The following ACSM5 variants were observed in gnomAD, a reference collection of about 807,000 sequenced individuals.
ACSM5 encodes acyl-CoA synthetase medium chain family member 5.
A neutral mutation model predicts 71.6 loss-of-function variants in ACSM5; 56 were observed. That is an observed-to-expected ratio of 0.78 (90% CI 0.63 to 0.98). The LOEUF (loss-of-function observed/expected upper bound fraction) is 0.98. Ranked by LOEUF, ACSM5 falls within the 50% of genes least tolerant of loss-of-function variation. The pLI is 0.00. For synonymous variants in ACSM5, 285 were observed against 281.5 expected (o/e 1.01, Z -0.12); for missense variants, 723 against 726.0 (o/e 1.00, Z 0.05).
At chr16:20,412,408 A>T (rs1424799492) in intron 2 of ACSM5, among the ~76,000 whole-genome samples, 3 of 152,220 alleles carry the variant, frequency 2.0e-5, no homozygotes, top group African/African-American at 7.2e-5. Flanking sequence ...AATAGGGCTC[A>T]GGCTCAAAGC....
intron 13 of ACSM5, 161 bp from the exon 14 acceptor site, chr16:20,440,183 T>C: frequency 6.0e-6 from 4 of 665,418 alleles, no homozygotes; most frequent in South Asian, 3.8e-5. Context: ...AATGATCCTG[T>C]GCTCCAGGCT....
At chr16:20,425,332 C>CT in intron 6 of ACSM5, among the ~76,000 whole-genome samples, 1 of 152,178 alleles carries the variant, frequency 6.6e-6, no homozygotes, top group South Asian at 2.1e-4. Context: ...GGACCTCATT[C>CT]TTTTTTATGG....
rs764557938 is a variant in ACSM5 at position 20,437,375 on chromosome 16, G to C, written c.1536+8G>C. On this transcript the variant is annotated splice_region_variant and intron_variant, in intron 12 of 13. Coordinates refer to ENST00000331849, the MANE Select transcript of ACSM5 (RefSeq NM_017888.3). ...GACCCCATCAGGGGAGAGGTAACCAGTGCACCCAAGAACATGGCCTCCTGC... is the reference window on the plus strand; with the variant it reads ...GACCCCATCAGGGGAGAGGTAACCACTGCACCCAAGAACATGGCCTCCTGC... 6.3e-7 allele frequency: 1 copy of C among 1,596,236 alleles called. No homozygotes were observed. The highest frequency in any genetic ancestry group is 1.7e-4 in the Middle Eastern group (1 of 5,828).
chr16:20,417,941 T>C, intron 2 of ACSM5, 118 bp from the exon 3 acceptor site: 5 of 1,007,814 alleles, frequency 5.0e-6, no homozygotes, highest in Non-Finnish European at 5.7e-6. Flanking sequence ...TCCATATTGC[T>C]TTGCTTTTTG....
At chr16:20,430,630 T>G (rs541200118) in intron 8 of ACSM5, among the ~76,000 whole-genome samples, 1 of 133,716 alleles carries the variant, frequency 7.5e-6, no homozygotes, top group East Asian at 2.2e-4. Context: ...AAAAGATGAA[T>G]GGAAGGAAGG....
intron 5 of ACSM5, among the ~76,000 whole-genome samples, chr16:20,421,682 T>C (rs558729939): frequency 9.9e-5 from 14 of 140,716 alleles, no homozygotes; most frequent in African/African-American, 3.9e-4. Context: ...TATACATACA[T>C]ACACATATAA....
At chr16:20,415,662 A>T (rs544090137) in intron 2 of ACSM5, among the ~76,000 whole-genome samples, 2 of 152,312 alleles carry the variant, frequency 1.3e-5, no homozygotes, top group South Asian at 4.1e-4. Context: ...AAAAGAAGAG[A>T]TGATTTAGGG....
Position 20,413,249 on chromosome 16 carries a change from GA to G in ACSM5, c.204+1569del, listed in dbSNP as rs1057460667. 3.3e-5 allele frequency among the ~76,000 whole-genome samples: 5 copies of G among 151,894 alleles called. No homozygotes were observed. The South Asian group carries it at 6.2e-4, about 19-fold the overall frequency. ...AAACAAGCAAGCAGGATTAAGTCAG[GA>G]AAAAAAATGGTAGAATAAGGACTTT... On this transcript the variant is annotated intron_variant, in intron 2 of 13. Coordinates refer to ENST00000331849, the MANE Select transcript of ACSM5 (RefSeq NM_017888.3).
intron 3 of ACSM5, among the ~76,000 whole-genome samples, chr16:20,418,779 C>G (rs923430538): frequency 5.3e-5 from 8 of 152,094 alleles, no homozygotes; most frequent in Non-Finnish European, 1.0e-4. Flanking sequence ...GATGAGGGAC[C>G]CTTATAACCA....
At chr16:20,422,920 T>G (rs1966905692) in intron 5 of ACSM5, among the ~76,000 whole-genome samples, 1 of 152,122 alleles carries the variant, frequency 6.6e-6, no homozygotes, top group African/African-American at 2.4e-5. Flanking sequence ...GGGGAAGAAC[T>G]GTGGGATGAG....
intron 6 of ACSM5, among the ~76,000 whole-genome samples, chr16:20,427,153 T>A (rs1966996910): frequency 6.6e-6 from 1 of 151,678 alleles, no homozygotes; most frequent in Non-Finnish European, 1.5e-5. Context: ...ATACAAAAAT[T>A]AGCCGGGCCT....
At chr16:20,427,749 T>A in intron 6 of ACSM5, 39 bp from the exon 7 acceptor site, 3 of 1,408,344 alleles carry the variant, frequency 2.1e-6, no homozygotes, top group Non-Finnish European at 3.0e-6. Flanking sequence ...CCCACCCCAA[T>A]GATTCTAAGG....
intron 5 of ACSM5, 46 bp from the exon 6 acceptor site, chr16:20,423,870 G>A (rs568313506): frequency 2.5e-6 from 4 of 1,609,116 alleles, no homozygotes; most frequent in Non-Finnish European, 3.4e-6. Context: ...CCTTTTTAAA[G>A]GTAGAGTCAT....
chr16:20,431,145 G>A (rs1257946073), intron 9 of ACSM5, 72 bp downstream of exon 9: 38 of 1,585,930 alleles, frequency 2.4e-5, no homozygotes, highest in Middle Eastern at 1.7e-4. Flanking sequence ...TGGTTGGCAC[G>A]GGCTGCTGGG....
At position 20,418,133 on chromosome 16, in the gene ACSM5, GGAGCT is replaced by G. The variant is rs1470651282; in HGVS notation, c.281_285del (p.Glu94GlyfsTer75). 1 of 1,613,854 alleles carries G rather than the reference GGAGCT, an allele frequency of 6.2e-7. No individual in the cohort carries two copies. Among genetic ancestry groups the G allele is most frequent in the Non-Finnish European group, 8.5e-7 (1 of 1,179,972 alleles). ...GAGCAGAGATCAAGTGGAGCTTTGA[GGAGCT>G]GGGGAAGCAGTCCAGGAAGGCAGCC... On this transcript the variant is annotated frameshift_variant, in exon 3 of 14. Transcript: ENST00000331849. LOFTEE classifies it high-confidence loss of function.
intron 7 of ACSM5, among the ~76,000 whole-genome samples, chr16:20,428,952 T>C (rs80243473): frequency 0.085 from 12,963 of 151,868 alleles, 675 homozygotes; most frequent in East Asian, 0.19. Context: ...CTTAGGGGTC[T>C]AATTTTTATC....
intron 10 of ACSM5, 60 bp downstream of exon 10, chr16:20,431,381 A>C: frequency 7.6e-7 from 1 of 1,318,760 alleles, no homozygotes; most frequent in Non-Finnish European, 1.1e-6. Flanking sequence ...ATTGTGCACC[A>C]CACTTTGTAA....
At chr16:20,410,845 G>T (rs1015747679) in intron 1 of ACSM5, among the ~76,000 whole-genome samples, 2 of 152,098 alleles carry the variant, frequency 1.3e-5, no homozygotes, top group African/African-American at 4.8e-5. Flanking sequence ...TTGAAGTGTG[G>T]CTAGTCCAAA....
intron 1 of ACSM5, 51 bp from the exon 2 acceptor site, chr16:20,411,419 C>T: frequency 6.5e-7 from 1 of 1,529,080 alleles, no homozygotes; most frequent in Non-Finnish European, 8.9e-7. Context: ...ATGTGTTGTC[C>T]CCAAAGCCCA....
Sources: allele counts gnomAD v4.1 joint callset (sites outside exome capture counted in the v4.1 genomes callset), GRCh38; gene constraint gnomAD v4.1.1; transcripts MANE v1.5; gene names NCBI Gene and HGNC (gene_info 2026-07-23, HGNC 2026-07-21).